Variants in RPRD2 observed in about 807,000 individuals in gnomAD.
RPRD2 encodes the protein regulation of nuclear pre-mRNA domain containing 2, also known as regulation of nuclear pre-mRNA domain-containing protein 2.
A neutral mutation model predicts 104.4 loss-of-function variants in RPRD2; 12 were observed. That is an observed-to-expected ratio of 0.11 (90% CI 0.07 to 0.19). The LOEUF (loss-of-function observed/expected upper bound fraction) is 0.19. Among genes scored for constraint, RPRD2 ranks in the 10% least tolerant of loss-of-function variants. The pLI, the probability that RPRD2 is intolerant of heterozygous loss-of-function variation, is 1.00. For missense variants in RPRD2, 1,543 were observed against 1,790.1 expected (o/e 0.86, Z 2.49); for synonymous variants, 714 against 684.9 (o/e 1.04, Z -0.66).
Position 150,364,876 on chromosome 1 carries a change from C to G in RPRD2, c.162C>G (p.His54Gln). The G allele has an allele frequency of 6.2e-7, 1 of 1,613,962 alleles. No homozygotes were observed. Among genetic ancestry groups the G allele is most frequent in the African/African-American group, 1.3e-5 (1 of 75,046 alleles). Residue 54 changes from histidine (H) to glutamine (Q), a missense_variant, in exon 1 of 11, where the codon CAC (histidine) becomes CAG (glutamine). Physicochemically the swap from His to Gln is conservative, Grantham distance 24. Coordinates refer to ENST00000369068, the MANE Select transcript of RPRD2 (RefSeq NM_015203.5). The stretch of plus-strand genomic sequence containing the variant: ...CTTGGTGTATAGAGAACAAAAAACA[C>G]CACAGTACTATCGTCTATCATTGGA... ...LSSWCIENKK[H>Q]HSTIVYHWMK... is the part of the protein sequence containing the mutation.
chr1:150,446,833 CTTTTT>C (rs782290005), intron 7 of RPRD2, among the ~76,000 whole-genome samples: 1 of 127,512 alleles, frequency 7.8e-6, no homozygotes, highest in South Asian at 2.4e-4. Context: ...AGACCTGGGT[CTTTTT>C]TTTTTTTTTT....
chr1:150,439,970 C>CT (rs782612215), intron 2 of RPRD2, among the ~76,000 whole-genome samples: 12,265 of 147,562 alleles, frequency 0.083, 650 homozygotes, highest in Non-Finnish European at 0.12. Flanking sequence ...TACTTTAACA[C>CT]TTTTTTTTTT....
intron 9 of RPRD2, 99 bp downstream of exon 9, chr1:150,460,416 G>GTTGTTTAGACAGAGT: frequency 2.4e-6 from 3 of 1,243,480 alleles, no homozygotes; most frequent in Non-Finnish European, 3.3e-6. Flanking sequence ...TGTTGTTGTT[G>GTTGTTTAGACAGAGT]TTGTTTAGAC....
chr1:150,470,782 G>A lies in RPRD2; in HGVS notation c.1834G>A (p.Gly612Arg). ...SSTSASKASI[G>R]QSPGLPSTTF... ...AACTTCAGCCAGCAAGGCCTCAATT[G>A]GGCAAAGCCCAGGGCTCCCAAGCAC... The change falls in exon 11 of 11, where the codon GGG (glycine) becomes AGG (arginine). Residue 612 changes from glycine (G) to arginine (R), a missense_variant. Gly to Arg is a moderately radical substitution (Grantham distance 125). Coordinates refer to ENST00000369068, the MANE Select transcript of RPRD2 (RefSeq NM_015203.5). 6.2e-7 allele frequency: 1 copy of A among 1,613,966 alleles called. No homozygotes were observed. The highest frequency in any genetic ancestry group is 1.7e-5 in the Admixed American group (1 of 60,018).
intron 1 of RPRD2, among the ~76,000 whole-genome samples, chr1:150,368,348 G>A (rs1282705086): frequency 1.3e-5 from 2 of 149,692 alleles, no homozygotes; most frequent in Admixed American, 1.3e-4. Context: ...TCTGGAGTGC[G>A]GTGGCGTGAT....
At position 150,473,228 on chromosome 1, in the gene RPRD2, T is replaced by C. The variant is rs1225966133; in HGVS notation, c.4280T>C (p.Phe1427Ser). 2 of 1,613,842 alleles carry C rather than the reference T, an allele frequency of 1.2e-6. No individual in the cohort carries two copies. Among genetic ancestry groups the C allele is most frequent in the African/African-American group, 1.3e-5 (1 of 74,922 alleles). ...CCAGACTTTCGGCCTAGGGAACCTTTTCTCAGCAGAGACCCATTTCACAGT... is the reference window on the plus strand; with the variant it reads ...CCAGACTTTCGGCCTAGGGAACCTTCTCTCAGCAGAGACCCATTTCACAGT... ...PRPDFRPREP[F>S]LSRDPFHSLK... is the part of the protein sequence containing the mutation. Residue 1427 changes from phenylalanine (F) to serine (S), a missense_variant, in exon 11 of 11, where the codon TTT becomes TCT. By Grantham distance (155) the Phe-to-Ser change is radical. This residue lies in a region of RPRD2 where 880 missense variants were observed against 885.6 expected (regional missense o/e 0.99). Coordinates refer to ENST00000369068, the MANE Select transcript of RPRD2 (RefSeq NM_015203.5).
At chr1:150,376,350 G>A (rs1420812643) in intron 1 of RPRD2, among the ~76,000 whole-genome samples, 7 of 151,994 alleles carry the variant, frequency 4.6e-5, no homozygotes, top group Non-Finnish European at 8.8e-5. Context: ...TTACCCTTTA[G>A]TAAAAGTTGC....
chr1:150,387,913 C>A (rs1228468903), intron 1 of RPRD2, among the ~76,000 whole-genome samples: 22 of 94,602 alleles, frequency 2.3e-4, no homozygotes, highest in Admixed American at 3.6e-4. Context: ...TTTCTTTTCT[C>A]TTTTTTTTTT....
intron 7 of RPRD2, among the ~76,000 whole-genome samples, chr1:150,456,743 G>T (rs1250971547): frequency 6.6e-6 from 1 of 151,976 alleles, no homozygotes; most frequent in Middle Eastern, 3.4e-3. Context: ...TGGCCAACAT[G>T]GTGAAACCCC....
intron 6 of RPRD2, among the ~76,000 whole-genome samples, chr1:150,445,368 A>G (rs1264560325): frequency 6.6e-6 from 1 of 152,180 alleles, no homozygotes; most frequent in African/African-American, 2.4e-5. Context: ...ATCCAAAGCC[A>G]TATTCTGCCA....
chr1:150,464,226 C>A (rs1052788507), intron 9 of RPRD2, among the ~76,000 whole-genome samples: 1 of 152,060 alleles, frequency 6.6e-6, no homozygotes, highest in African/African-American at 2.4e-5. Flanking sequence ...TCAGGCTGGT[C>A]TCGAACTCCT....
rs587657454 is a variant in RPRD2 at position 150,364,657 on chromosome 1, C to G, written c.-58C>G. 3.7e-5 allele frequency: 21 copies of G among 561,658 alleles called. No individual in the cohort carries two copies. The South Asian group carries it at 3.8e-4, about 10-fold the overall frequency. The allele number at this position is 561,658 out of a possible 1,614,324, so 34.8% of individuals were successfully genotyped here. A position where few individuals can be genotyped will look rare whatever the true frequency, so the allele number is the denominator to read the frequency against. On this transcript the variant is annotated 5_prime_UTR_variant, in exon 1 of 11. Coordinates refer to ENST00000369068, the MANE Select transcript of RPRD2 (RefSeq NM_015203.5). ...TCGCAGTGATTGTTTTGCCCGCTCC[C>G]GCCGCCGCCGCCGCCGCCGCCGCCA...
At chr1:150,365,127 C>T (rs1319040604) in intron 1 of RPRD2, among the ~76,000 whole-genome samples, 1 of 152,178 alleles carries the variant, frequency 6.6e-6, no homozygotes, top group Non-Finnish European at 1.5e-5. Context: ...GTTTTTTAGC[C>T]ATTGAATTGT....
At chr1:150,384,271 A>C (rs1275442030) in intron 1 of RPRD2, among the ~76,000 whole-genome samples, 1 of 152,034 alleles carries the variant, frequency 6.6e-6, no homozygotes, top group Non-Finnish European at 1.5e-5. Context: ...ATATTTGTAT[A>C]CAGTAAGAAA....
rs587657932 is a variant in RPRD2 at position 150,408,537 on chromosome 1, C to T, written c.206-9059C>T. 3.3e-5 allele frequency among the ~76,000 whole-genome samples: 5 copies of T among 152,310 alleles called. No homozygotes were observed. In the East Asian group the frequency reaches 7.7e-4, roughly 23 times the overall value. On this transcript the variant is annotated intron_variant, in intron 1 of 10. Transcript: ENST00000369068. The stretch of plus-strand genomic sequence containing the variant: ...TCTTTCCTGTGTTTTCACGAACTCT[C>T]ATGCAAGCATCTTCATGTTATTTAC...
At chr1:150,457,228 A>C in intron 7 of RPRD2, 60 bp from the exon 8 acceptor site, 2 of 1,539,152 alleles carry the variant, frequency 1.3e-6, no homozygotes, top group East Asian at 4.5e-5. Context: ...TGCCTCAAAA[A>C]GAAAAAATGT....
chr1:150,399,408 T>G (rs1412445033), intron 1 of RPRD2, among the ~76,000 whole-genome samples: 1 of 152,216 alleles, frequency 6.6e-6, no homozygotes, highest in Non-Finnish European at 1.5e-5. Flanking sequence ...CACCATTTAT[T>G]GAGAAGCCAG....
chr1:150,425,835 G>A (rs782404620), intron 2 of RPRD2, among the ~76,000 whole-genome samples: 1 of 152,074 alleles, frequency 6.6e-6, no homozygotes, highest in African/African-American at 2.4e-5. Flanking sequence ...AGAGGGCTGG[G>A]TGTGGTGGCT....
chr1:150,369,982 A>G (rs142170639), intron 1 of RPRD2, among the ~76,000 whole-genome samples: 3 of 149,540 alleles, frequency 2.0e-5, no homozygotes, highest in Admixed American at 6.7e-5. Context: ...GGGTTTCACC[A>G]TGTTGGCCAG....
Sources: gnomAD v4.1 joint callset for allele counts (sites outside exome capture counted in the v4.1 genomes callset) on GRCh38, gnomAD v4.1.1 for gene constraint, gnomAD v4.1.1 regional missense constraint, MANE v1.5 for transcripts, NCBI Gene and HGNC (gene_info 2026-07-23, HGNC 2026-07-21) for gene names.